FUT8: variants seen among roughly 807,000 people sequenced by gnomAD.
The protein encoded by FUT8 is alpha-(1,6)-fucosyltransferase.
A neutral mutation model predicts 71.3 loss-of-function variants in FUT8; 29 were observed. The ratio of observed to expected loss-of-function variants is 0.41; its 90% confidence interval spans 0.30 to 0.55. The LOEUF is 0.55. Among genes scored for constraint, FUT8 ranks in the 20% least tolerant of loss-of-function variants. The pLI, the probability that FUT8 is intolerant of heterozygous loss-of-function variation, is 0.34. For synonymous variants in FUT8, 254 were observed against 239.3 expected (o/e 1.06, Z -0.57); for missense variants, 544 against 702.1 (o/e 0.77, Z 2.55).
At chr14:65,441,401 C>T (rs184585056) in intron 1 of FUT8, among the ~76,000 whole-genome samples, 1 of 152,204 alleles carries the variant, frequency 6.6e-6, no homozygotes, top group African/African-American at 2.4e-5. Context: ...ACCAAGCTTT[C>T]GTTCACAGTG....
At chr14:65,717,926 C>T (rs1895210456) in intron 7 of FUT8, among the ~76,000 whole-genome samples, 1 of 152,034 alleles carries the variant, frequency 6.6e-6, no homozygotes, top group Admixed American at 6.6e-5. Context: ...TATCTTTTTC[C>T]ATCCCTTTAT....
At chr14:65,527,876 C>T (rs1221355120) in intron 2 of FUT8, among the ~76,000 whole-genome samples, 2 of 152,208 alleles carry the variant, frequency 1.3e-5, no homozygotes, top group South Asian at 2.1e-4. Context: ...TATTGCTGAA[C>T]AGCAGATGTT....
At chr14:65,443,041 G>T (rs1187548694) in intron 1 of FUT8, among the ~76,000 whole-genome samples, 1 of 152,126 alleles carries the variant, frequency 6.6e-6, no homozygotes, top group African/African-American at 2.4e-5. Context: ...GGGAAAACCG[G>T]ATAGAGGAGT....
intron 2 of FUT8, among the ~76,000 whole-genome samples, chr14:65,510,667 G>T (rs1178885186): frequency 6.6e-6 from 1 of 152,044 alleles, no homozygotes; most frequent in Non-Finnish European, 1.5e-5. Flanking sequence ...GGTTGTATGT[G>T]TCTAGGAATT....
chr14:65,469,743 C>G (rs2066107766), intron 2 of FUT8, among the ~76,000 whole-genome samples: 1 of 152,212 alleles, frequency 6.6e-6, no homozygotes, highest in Non-Finnish European at 1.5e-5. Flanking sequence ...CTTCCCAGCT[C>G]TCAGCAGAGA....
At position 65,424,184 on chromosome 14, in the gene FUT8, G is replaced by A. The variant is rs537387005; in HGVS notation, c.-326+10970G>A. Reference sequence around the variant, plus strand: ...ATACAATTTATTGGAAAGATGAACTGCTTGCTTGGAGATGATTAATGTCAC... The same window carrying A: ...ATACAATTTATTGGAAAGATGAACTACTTGCTTGGAGATGATTAATGTCAC... On this transcript the variant is annotated intron_variant, in intron 1 of 10. Coordinates refer to ENST00000673929, the MANE Select transcript of FUT8 (RefSeq NM_001371533.1). Among the ~76,000 whole-genome samples, 7 of 152,284 alleles carry A rather than the reference G, an allele frequency of 4.6e-5. No homozygotes were observed. The East Asian group carries it at 1.3e-3, about 29-fold the overall frequency.
chr14:65,487,951 C>G (rs1234254906), intron 2 of FUT8, among the ~76,000 whole-genome samples: 1 of 152,156 alleles, frequency 6.6e-6, no homozygotes, highest in Admixed American at 6.5e-5. Context: ...TCTAAGCCTC[C>G]TGAGTAGCTA....
the FUT8 span, among the ~76,000 whole-genome samples, chr14:65,402,315 C>G: frequency 3.3e-5 from 5 of 150,806 alleles, no homozygotes; most frequent in East Asian, 7.8e-4. Context: ...ATCCTCCCAC[C>G]TCAGCCTACA....
At chr14:65,568,018 G>C (rs954164405) in intron 3 of FUT8, among the ~76,000 whole-genome samples, 1 of 151,728 alleles carries the variant, frequency 6.6e-6, no homozygotes, top group African/African-American at 2.4e-5. Flanking sequence ...TCTGGGCCTG[G>C]AGTCTTTTTG....
At chr14:65,628,893 A>G (rs549981691) in intron 5 of FUT8, among the ~76,000 whole-genome samples, 6 of 152,198 alleles carry the variant, frequency 3.9e-5, no homozygotes, top group Non-Finnish European at 7.3e-5. Flanking sequence ...AGCCACACCT[A>G]TTCATTTGCA....
intron 6 of FUT8, among the ~76,000 whole-genome samples, chr14:65,640,244 A>C (rs1890763191): frequency 6.6e-6 from 1 of 151,530 alleles, no homozygotes; most frequent in Non-Finnish European, 1.5e-5. Context: ...AAACCAATGG[A>C]TCTAAGAAGA....
chr14:65,536,749 A>G (rs894880079), intron 2 of FUT8, among the ~76,000 whole-genome samples: 24 of 152,208 alleles, frequency 1.6e-4, no homozygotes, highest in African/African-American at 5.5e-4. Context: ...ATCTTCTTGT[A>G]AAGTATTTTG....
chr14:65,556,159 A>G (rs1426701462), intron 2 of FUT8, among the ~76,000 whole-genome samples: 1 of 152,202 alleles, frequency 6.6e-6, no homozygotes, highest in Non-Finnish European at 1.5e-5. Context: ...TTACCTTTAG[A>G]CTAAGTGGTT....
chr14:65,491,085 AG>A (rs1480553266), intron 2 of FUT8, among the ~76,000 whole-genome samples: 1 of 152,132 alleles, frequency 6.6e-6, no homozygotes, highest in Admixed American at 6.6e-5. Context: ...AAAACTGGTA[AG>A]GGTATAAAAT....
chr14:65,722,638 C>T (rs186221853), intron 8 of FUT8, among the ~76,000 whole-genome samples: 22 of 152,280 alleles, frequency 1.4e-4, no homozygotes, highest in East Asian at 1.3e-3. Flanking sequence ...TGGAATCATT[C>T]GTTCTGCCCA....
At chr14:65,372,912 A>T in the FUT8 span, among the ~76,000 whole-genome samples, 1 of 152,034 alleles carries the variant, frequency 6.6e-6, no homozygotes, top group African/African-American at 2.4e-5. Flanking sequence ...GTGTGTTCCT[A>T]GCTTTCTATT....
At chr14:65,450,868 AT>A (rs1232558695) in intron 1 of FUT8, among the ~76,000 whole-genome samples, 2,101 of 135,608 alleles carry the variant, frequency 0.015, 34 homozygotes, top group African/African-American at 0.047. Flanking sequence ...CTTCCACCCT[AT>A]TTTTTTTTTT....
rs927468223 is a variant in FUT8 at position 65,499,410 on chromosome 14, CT to C, written c.-228+43702del. 3.4e-3 allele frequency among the ~76,000 whole-genome samples: 501 copies of C among 149,152 alleles called. 2 individuals are homozygous for C. Among genetic ancestry groups the C allele is most frequent in the African/African-American group, 0.011 (442 of 40,758 alleles). ...TACAGCTCAAGTCTCAGGTTTACCACTTTTTTTTTTAAGTAGTACATGGGGC... is the reference window on the plus strand; with the variant it reads ...TACAGCTCAAGTCTCAGGTTTACCACTTTTTTTTTAAGTAGTACATGGGGC... On this transcript the variant is annotated intron_variant, in intron 2 of 10. Transcript: ENST00000673929.
chr14:65,383,898 G>T, the FUT8 span, among the ~76,000 whole-genome samples: 3 of 151,240 alleles, frequency 2.0e-5, no homozygotes, highest in Non-Finnish European at 4.4e-5. Flanking sequence ...GGTCCCATGG[G>T]ATGAAACACT....
Sources: gnomAD v4.1 joint callset for allele counts (sites outside exome capture counted in the v4.1 genomes callset) on GRCh38, gnomAD v4.1.1 for gene constraint, MANE v1.5 for transcripts, NCBI Gene and HGNC (gene_info 2026-07-23, HGNC 2026-07-21) for gene names.